The following CYTH1 variants were observed in gnomAD, a reference collection of about 807,000 sequenced individuals.
CYTH1 encodes the protein cytohesin-1.
A neutral mutation model predicts 61.8 loss-of-function variants in CYTH1; 18 were observed. The observed-to-expected ratio is 0.29, with a 90% CI of 0.20 to 0.43. The LOEUF is 0.43. Among genes scored for constraint, CYTH1 ranks in the 20% least tolerant of loss-of-function variants. The pLI, the probability that CYTH1 is intolerant of heterozygous loss-of-function variation, is 1.00. For synonymous variants in CYTH1, 174 were observed against 184.3 expected, an observed-to-expected ratio of 0.94 and a Z score of 0.45; for missense variants, 336 against 510.5, an observed-to-expected ratio of 0.66 and a Z score of 3.29.
chr17:78,676,689 G>A (rs1351548151), intron 13 of CYTH1: 1 of 315,954 alleles, frequency 3.2e-6, no homozygotes, highest in Admixed American at 4.5e-5. Flanking sequence ...TGCCCAGCAC[G>A]ATGCTGCTGG....
At chr17:78,722,162 G>T (rs1319924892) in intron 1 of CYTH1, among the ~76,000 whole-genome samples, 3 of 152,168 alleles carry the variant, frequency 2.0e-5, no homozygotes, top group African/African-American at 7.2e-5. Flanking sequence ...TTTATCCTGC[G>T]AATTTGGTTT....
chr17:78,753,357 G>C (rs1394548256), intron 1 of CYTH1, among the ~76,000 whole-genome samples: 1 of 152,098 alleles, frequency 6.6e-6, no homozygotes, highest in Non-Finnish European at 1.5e-5. Flanking sequence ...GGTGCCACAG[G>C]CAAGTGCCAA....
intron 1 of CYTH1, among the ~76,000 whole-genome samples, chr17:78,748,619 C>T (rs2093368177): frequency 6.6e-6 from 1 of 152,186 alleles, no homozygotes; most frequent in African/African-American, 2.4e-5. Context: ...TTTCTGTATA[C>T]TTCTAAACCA....
chr17:78,765,513 C>T (rs1252217958), intron 1 of CYTH1, among the ~76,000 whole-genome samples: 1 of 152,076 alleles, frequency 6.6e-6, no homozygotes, highest in Non-Finnish European at 1.5e-5. Flanking sequence ...TCAGTAAAAG[C>T]CAGTGTGGAG....
intron 1 of CYTH1, among the ~76,000 whole-genome samples, chr17:78,781,942 T>G (rs1673500208): frequency 6.8e-6 from 1 of 148,040 alleles, no homozygotes; most frequent in African/African-American, 2.5e-5. Flanking sequence ...GAGCCCGGCC[T>G]GTGACCCCCG....
intron 1 of CYTH1, among the ~76,000 whole-genome samples, chr17:78,725,694 T>C (rs1190192801): frequency 6.6e-6 from 1 of 152,218 alleles, no homozygotes; most frequent in Admixed American, 6.5e-5. Flanking sequence ...AGCCGGGGTT[T>C]ACCTGTGGTG....
chr17:78,778,449 C>T (rs1224283201), intron 1 of CYTH1, among the ~76,000 whole-genome samples: 3 of 151,196 alleles, frequency 2.0e-5, no homozygotes, highest in Non-Finnish European at 4.4e-5. Context: ...ACCAGCCTGG[C>T]CAATATGGTG....
chr17:78,688,059 A>G (rs1224883459), intron 11 of CYTH1, among the ~76,000 whole-genome samples: 2 of 152,208 alleles, frequency 1.3e-5, no homozygotes, highest in African/African-American at 2.4e-5. Context: ...CATCCTGCAT[A>G]AATGTTGTTA....
intron 2 of CYTH1, chr17:78,708,967 C>G (rs919786505): frequency 1.3e-5 from 2 of 152,264 alleles, no homozygotes; most frequent in Admixed American, 1.3e-4. Context: ...CCTCCTTAAC[C>G]CCACTCCTAA....
chr17:78,680,997 G>T lies in CYTH1; in HGVS notation c.937C>A (p.Arg313=). ...GIIPLENLSI[R]EVEDSKKPNC... ...GGTTTTTTGGAGTCCTCCACTTCCCGGATACTCAGATTCTCTAAAGGGATG... is the reference window on the plus strand; with the variant it reads ...GGTTTTTTGGAGTCCTCCACTTCCCTGATACTCAGATTCTCTAAAGGGATG... The change falls in exon 12 of 14, where the codon CGG becomes AGG. Residue 313 remains arginine, a synonymous_variant. Transcript: ENST00000446868. 1 of 1,613,944 alleles carries T rather than the reference G, an allele frequency of 6.2e-7. No homozygotes were observed.
chr17:78,679,372 CAA>C (rs1491410473), intron 13 of CYTH1, among the ~76,000 whole-genome samples: 1 of 152,086 alleles, frequency 6.6e-6, no homozygotes, highest in East Asian at 1.9e-4. Flanking sequence ...TGAGAGAAGG[CAA>C]AGTCAGAATG....
At chr17:78,696,300 G>A (rs1022071554) in intron 9 of CYTH1, among the ~76,000 whole-genome samples, 4 of 152,128 alleles carry the variant, frequency 2.6e-5, no homozygotes, top group African/African-American at 9.7e-5. Flanking sequence ...GCCACAAATC[G>A]GCTTTTACAA....
At position 78,681,059 on chromosome 17, in the gene CYTH1, G is replaced by C; in HGVS notation, c.892-17C>G. ...CTCCTTATCCTACAGAACAGTTGAAGAGAGGAAGTTTAAGATCACAGTTTA... is the reference window on the plus strand; with the variant it reads ...CTCCTTATCCTACAGAACAGTTGAACAGAGGAAGTTTAAGATCACAGTTTA... On this transcript the variant is annotated splice_polypyrimidine_tract_variant and intron_variant, in intron 11 of 13. Transcript: ENST00000446868. The C allele has an allele frequency of 2.5e-6, 4 of 1,611,146 alleles. No individual in the cohort carries two copies. Among genetic ancestry groups the C allele is most frequent in the Non-Finnish European group, 3.4e-6 (4 of 1,179,098 alleles).
chr17:78,692,068 T>G, intron 11 of CYTH1: 1 of 197,806 alleles, frequency 5.1e-6, no homozygotes, highest in Non-Finnish European at 1.0e-5. Flanking sequence ...TCATCTCCCT[T>G]TCAATTAGGG....
chr17:78,705,373 C>G (rs556743357), intron 3 of CYTH1, among the ~76,000 whole-genome samples: 1 of 152,288 alleles, frequency 6.6e-6, no homozygotes, highest in South Asian at 2.1e-4. Context: ...CCTTAGGCAG[C>G]TACTTCTCTA....
intron 1 of CYTH1, among the ~76,000 whole-genome samples, chr17:78,763,620 A>G (rs915842159): frequency 1.7e-4 from 26 of 152,190 alleles, no homozygotes; most frequent in Non-Finnish European, 3.4e-4. Context: ...ATAAAGAACA[A>G]TAAGTTGTTC....
At chr17:78,691,634 G>A (rs978010408) in intron 11 of CYTH1, 3 of 152,164 alleles carry the variant, frequency 2.0e-5, no homozygotes, top group Non-Finnish European at 4.4e-5. Flanking sequence ...TCGATGCCAT[G>A]GGAGTATGCC....
At chr17:78,750,086 C>T (rs111827950) in intron 1 of CYTH1, among the ~76,000 whole-genome samples, 2 of 152,104 alleles carry the variant, frequency 1.3e-5, no homozygotes, top group Admixed American at 6.5e-5. Context: ...TATGGGTGCA[C>T]AGAGTGGCAT....
chr17:78,708,654 C>A (rs1343445419), intron 2 of CYTH1, among the ~76,000 whole-genome samples: 1 of 152,240 alleles, frequency 6.6e-6, no homozygotes, highest in African/African-American at 2.4e-5. Flanking sequence ...TACCCAAAGC[C>A]CAGGCTGCAG....
Sources: allele counts gnomAD v4.1 joint callset (sites outside exome capture counted in the v4.1 genomes callset), GRCh38; gene constraint gnomAD v4.1.1; transcripts MANE v1.5; gene names NCBI Gene and HGNC (gene_info 2026-07-23, HGNC 2026-07-21).